PLXNA2: variants seen among roughly 807,000 people sequenced by gnomAD.
The protein encoded by PLXNA2 is plexin A2, also known as plexin-A2.
PLXNA2 carries 91 observed loss-of-function variants against 193.5 expected under a neutral mutation model. The observed-to-expected ratio is 0.47, with a 90% CI of 0.40 to 0.56. The LOEUF is 0.56. Among genes scored for constraint, PLXNA2 ranks in the 20% least tolerant of loss-of-function variants. The pLI, the probability that PLXNA2 is intolerant of heterozygous loss-of-function variation, is 0.00. For synonymous variants in PLXNA2, 997 were observed against 1,027.3 expected (o/e 0.97, Z 0.56); for missense variants, 1,995 against 2,503.2 (o/e 0.80, Z 4.33).
intron 1 of PLXNA2, among the ~76,000 whole-genome samples, chr1:208,224,535 G>T (rs941463620): frequency 5.3e-5 from 8 of 151,872 alleles, no homozygotes; most frequent in African/African-American, 1.7e-4. Flanking sequence ...GGGGGAGGGG[G>T]GTGAGGAGAG....
rs190868333 is a variant in PLXNA2, at chr1:208,043,071, C to T, written c.4007G>A (p.Arg1336Gln). Reference sequence around the variant, plus strand: ...GGAGGCAGGCATTACCTCCAGCTCCCGCAGGACGGGGTGGTCCTCGATGCC... The same window carrying T: ...GGAGGCAGGCATTACCTCCAGCTCCTGCAGGACGGGGTGGTCCTCGATGCC... ...FPGIEDHPVLRELEVQGNGQQ... is the reference protein window; with the variant it reads ...FPGIEDHPVLQELEVQGNGQQ... Residue 1336 changes from arginine to glutamine, a missense_variant, in exon 21 of 32, where the codon CGG (arginine) becomes CAG (glutamine). Physicochemically the swap from Arg to Gln is conservative, Grantham distance 43 (BLOSUM62 1). This residue lies in a region of PLXNA2 where 1,291 missense variants were observed against 1,673.6 expected (regional missense o/e 0.77). Transcript: ENST00000367033. The T allele has an allele frequency of 2.7e-5, 43 of 1,613,658 alleles. No individual in the cohort carries two copies. In the East Asian group the frequency reaches 2.9e-4, roughly 11 times the overall value.
At chr1:208,099,607 G>A (rs1174809242) in intron 5 of PLXNA2, among the ~76,000 whole-genome samples, 1 of 152,096 alleles carries the variant, frequency 6.6e-6, no homozygotes, top group Non-Finnish European at 1.5e-5. Context: ...GTCTTGCTCT[G>A]TTGCCTAAGC....
At chr1:208,168,570 C>T (rs191515495) in intron 3 of PLXNA2, among the ~76,000 whole-genome samples, 1 of 152,210 alleles carries the variant, frequency 6.6e-6, no homozygotes, top group Admixed American at 6.5e-5. Context: ...GCTCAGAGAG[C>T]TTAAGTGCAT....
At chr1:208,185,696 CAA>C (rs56384277) in intron 3 of PLXNA2, among the ~76,000 whole-genome samples, 21 of 57,264 alleles carry the variant, frequency 3.7e-4, no homozygotes, top group South Asian at 2.0e-3. Context: ...TCTCTGAAAG[CAA>C]AAAAAAAAAA....
intron 3 of PLXNA2, among the ~76,000 whole-genome samples, chr1:208,184,766 C>T (rs543794416): frequency 3.1e-4 from 47 of 152,274 alleles, no homozygotes; most frequent in African/African-American, 8.9e-4. Flanking sequence ...CACACACACA[C>T]GCCTCATGCA....
At chr1:208,157,571 G>T (rs1369627192) in intron 3 of PLXNA2, among the ~76,000 whole-genome samples, 1 of 152,184 alleles carries the variant, frequency 6.6e-6, no homozygotes, top group Non-Finnish European at 1.5e-5. Flanking sequence ...TGTTGTAAGT[G>T]AGGGGCTGGA....
chr1:208,088,221 G>A (rs1056260214), intron 9 of PLXNA2, among the ~76,000 whole-genome samples: 5 of 152,206 alleles, frequency 3.3e-5, no homozygotes, highest in Admixed American at 2.6e-4. Flanking sequence ...AGGAAACACA[G>A]CTGCAGGGAG....
At chr1:208,095,887 CCAAA>C (rs1164442841) in intron 8 of PLXNA2, 138 bp downstream of exon 8, 9 of 701,930 alleles carry the variant, frequency 1.3e-5, no homozygotes, top group African/African-American at 1.2e-4. Context: ...TGTACTCTGT[CCAAA>C]CAAAGTGTCA....
At chr1:208,154,791 G>A (rs7518373) in intron 3 of PLXNA2, among the ~76,000 whole-genome samples, 2,511 of 152,284 alleles carry the variant, frequency 0.016, 67 homozygotes, top group African/African-American at 0.054. Flanking sequence ...TGGAGGCCAC[G>A]CAGGGGCACT....
At chr1:208,192,297 G>A (rs1472134821) in intron 3 of PLXNA2, among the ~76,000 whole-genome samples, 1 of 141,540 alleles carries the variant, frequency 7.1e-6, no homozygotes, top group Non-Finnish European at 1.5e-5. Context: ...TGGACACCGG[G>A]TTTGGGGATG....
At chr1:208,152,683 GCACA>G (rs56051287) in intron 3 of PLXNA2, among the ~76,000 whole-genome samples, 4,405 of 139,970 alleles carry the variant, frequency 0.031, 80 homozygotes, top group South Asian at 0.055. Flanking sequence ...ACACACACAC[GCACA>G]CACACACACA....
At chr1:208,121,160 C>T (rs1358574505) in intron 4 of PLXNA2, among the ~76,000 whole-genome samples, 2 of 152,126 alleles carry the variant, frequency 1.3e-5, no homozygotes. Flanking sequence ...AGATTTCCAT[C>T]CCCGGGGAAA....
At chr1:208,052,554 C>A in intron 14 of PLXNA2, 91 bp from the exon 15 acceptor site, 1 of 1,330,748 alleles carries the variant, frequency 7.5e-7, no homozygotes, top group South Asian at 1.3e-5. Context: ...AGATTGTTTT[C>A]ATTCTGGGCG....
intron 4 of PLXNA2, among the ~76,000 whole-genome samples, chr1:208,112,004 A>T (rs1667492809): frequency 6.6e-6 from 1 of 152,262 alleles, no homozygotes; most frequent in South Asian, 2.1e-4. Context: ...TGGAGACCTG[A>T]GGGCGGAGTG....
rs1482439662 is a variant in PLXNA2 at position 208,191,054 on chromosome 1, C to T, written c.1371+19226G>A. Among the ~76,000 whole-genome samples, 3 of 152,284 alleles carry T rather than the reference C, an allele frequency of 2.0e-5. No homozygotes were observed. The East Asian group carries it at 5.8e-4, about 29-fold the overall frequency. ...CTAAGTGAGGCTAAAGGATTTTTCC[C>T]TCTGGAAAAGGGCGGTCCCAAAAGG... On this transcript the variant is annotated intron_variant, in intron 3 of 31. Coordinates refer to ENST00000367033, the MANE Select transcript of PLXNA2 (RefSeq NM_025179.4).
intron 14 of PLXNA2, among the ~76,000 whole-genome samples, chr1:208,052,883 G>T (rs896678074): frequency 6.6e-6 from 1 of 152,052 alleles, no homozygotes; most frequent in Non-Finnish European, 1.5e-5. Flanking sequence ...CCACCGAGAG[G>T]CTAAAGTCCT....
chr1:208,150,120 GT>G (rs1248072815), intron 3 of PLXNA2, among the ~76,000 whole-genome samples: 3 of 152,122 alleles, frequency 2.0e-5, no homozygotes, highest in Non-Finnish European at 1.5e-5. Flanking sequence ...AGGGATAAGG[GT>G]CTCTCTTTTC....
At chr1:208,164,310 G>A (rs1484904689) in intron 3 of PLXNA2, among the ~76,000 whole-genome samples, 3 of 152,156 alleles carry the variant, frequency 2.0e-5, no homozygotes, top group Non-Finnish European at 4.4e-5. Context: ...TCTACCTGAG[G>A]AGGCGGAAGA....
intron 4 of PLXNA2, among the ~76,000 whole-genome samples, chr1:208,121,718 G>A (rs1363757471): frequency 1.3e-5 from 2 of 152,144 alleles, no homozygotes; most frequent in East Asian, 3.9e-4. Flanking sequence ...CTTTATAGCA[G>A]CATGAGAACA....
Sources: gnomAD v4.1 joint callset for allele counts (sites outside exome capture counted in the v4.1 genomes callset) on GRCh38, gnomAD v4.1.1 for gene constraint, gnomAD v4.1.1 regional missense constraint, MANE v1.5 for transcripts, NCBI Gene and HGNC (gene_info 2026-07-23, HGNC 2026-07-21) for gene names.